TTC7A: variants seen among roughly 807,000 people sequenced by gnomAD.
TTC7A encodes tetratricopeptide repeat domain 7A.
In TTC7A, 110 loss-of-function variants were observed where a neutral mutation model predicts 103.7. The observed-to-expected ratio is 1.06, with a 90% CI of 0.91 to 1.24. The LOEUF (loss-of-function observed/expected upper bound fraction) is 1.24, where lower values mean the gene tolerates loss of function less well. TTC7A is among the 50% of genes most tolerant of loss of function. TTC7A has a pLI of 0.00. For synonymous variants in TTC7A, 521 were observed against 467.9 expected, an observed-to-expected ratio of 1.11 and a Z score of -1.47; for missense variants, 1,340 against 1,116.3, an observed-to-expected ratio of 1.20 and a Z score of -2.86.
At chr2:46,972,197 T>TAA (rs758796527) in intron 3 of TTC7A, among the ~76,000 whole-genome samples, 9 of 147,678 alleles carry the variant, frequency 6.1e-5, no homozygotes, top group Admixed American at 3.4e-4. Context: ...TTTCCTGTCT[T>TAA]AAAAAAAAAA....
chr2:47,009,917 AC>A (rs1677857144), intron 10 of TTC7A, among the ~76,000 whole-genome samples: 1 of 54,786 alleles, frequency 1.8e-5, no homozygotes, highest in Non-Finnish European at 3.8e-5. Context: ...GGTGGGGGGG[AC>A]AGGGGAGGGG....
At chr2:46,933,591 CATAAG>C (rs1308005660) in intron 2 of TTC7A, among the ~76,000 whole-genome samples, 1 of 152,112 alleles carries the variant, frequency 6.6e-6, no homozygotes, top group Admixed American at 6.5e-5. Flanking sequence ...TTAAGTAAGA[CATAAG>C]ATACCATGGG....
At chr2:46,922,307 T>A (rs924500110) in intron 2 of TTC7A, among the ~76,000 whole-genome samples, 5 of 152,232 alleles carry the variant, frequency 3.3e-5, no homozygotes, top group African/African-American at 9.6e-5. Context: ...AGCGTTTTTA[T>A]AATTTTTGAT....
At chr2:47,000,336 G>A (rs1433309411) in intron 8 of TTC7A, among the ~76,000 whole-genome samples, 1 of 152,146 alleles carries the variant, frequency 6.6e-6, no homozygotes, top group Admixed American at 6.5e-5. Context: ...CAGCTTTTGG[G>A]ATCTGGTTTG....
chr2:47,036,145 C>T (rs931446031), intron 15 of TTC7A, among the ~76,000 whole-genome samples: 10 of 152,174 alleles, frequency 6.6e-5, no homozygotes, highest in African/African-American at 1.4e-4. Flanking sequence ...AGCCGAGACC[C>T]GGAGGCCAGT....
intron 3 of TTC7A, among the ~76,000 whole-genome samples, chr2:46,968,478 C>T (rs1232508352): frequency 6.6e-6 from 1 of 152,168 alleles, no homozygotes; most frequent in Non-Finnish European, 1.5e-5. Flanking sequence ...GGGTGGGCTT[C>T]CAGTCAGATG....
chr2:47,024,232 C>G (rs1679622134), intron 13 of TTC7A, 55 bp from the exon 14 acceptor site: 2 of 1,495,440 alleles, frequency 1.3e-6, no homozygotes, highest in Admixed American at 3.8e-5. Context: ...GCCCGAGTCA[C>G]ACGTTGGTCA....
rs13412442 is a variant in TTC7A at position 46,987,197 on chromosome 2, G to A, written c.765-6253G>A. On this transcript the variant is annotated intron_variant, in intron 5 of 19. Coordinates refer to ENST00000319190, the MANE Select transcript of TTC7A (RefSeq NM_020458.4). ...TCACCGCCACTAGAGGGCAGCCGTG[G>A]ACTCTGGTTGGAGCCTCGCCCCAGG... 4.2e-3 allele frequency among the ~76,000 whole-genome samples: 640 copies of A among 152,338 alleles called. 7 individuals carry two copies. Among genetic ancestry groups the A allele is most frequent in the African/African-American group, 0.015 (616 of 41,586 alleles).
chr2:47,025,666 C>G (rs531844005), intron 14 of TTC7A, among the ~76,000 whole-genome samples: 1 of 152,200 alleles, frequency 6.6e-6, no homozygotes, highest in Non-Finnish European at 1.5e-5. Flanking sequence ...GTTCTTCTGT[C>G]TCAACCATTT....
chr2:46,998,707 C>T (rs1676480012), intron 8 of TTC7A, among the ~76,000 whole-genome samples: 2 of 152,214 alleles, frequency 1.3e-5, no homozygotes, highest in South Asian at 4.1e-4. Context: ...GCTTCCACCT[C>T]CAGGACATCC....
chr2:47,048,079 C>A (rs867766161), intron 16 of TTC7A, among the ~76,000 whole-genome samples: 1 of 152,188 alleles, frequency 6.6e-6, no homozygotes, highest in Non-Finnish European at 1.5e-5. Flanking sequence ...TTCCTCTGCT[C>A]TGCCTGGGCC....
At chr2:46,942,932 G>C (rs1462012644) in intron 1 of TTC7A, among the ~76,000 whole-genome samples, 2 of 152,034 alleles carry the variant, frequency 1.3e-5, no homozygotes, top group African/African-American at 2.4e-5. Context: ...TTGAGACAGG[G>C]TCTCTCTCTG....
intron 3 of TTC7A, among the ~76,000 whole-genome samples, chr2:46,973,914 AAAC>A (rs1414310296): frequency 1.3e-5 from 2 of 152,142 alleles, no homozygotes; most frequent in Admixed American, 1.3e-4. Flanking sequence ...GGTTTCCCCA[AAAC>A]AAGAACGTTT....
intron 11 of TTC7A, among the ~76,000 whole-genome samples, chr2:47,016,836 T>A (rs1349142331): frequency 1.3e-5 from 2 of 152,068 alleles, no homozygotes; most frequent in African/African-American, 2.4e-5. Context: ...TCTGCAGCCA[T>A]CTGATTAGAG....
intron 8 of TTC7A, among the ~76,000 whole-genome samples, chr2:47,002,998 G>A (rs768296016): frequency 4.4e-4 from 67 of 152,116 alleles, no homozygotes; most frequent in Non-Finnish European, 8.7e-4. Context: ...TGCTGCTGCC[G>A]CTGCTGCTAG....
chr2:47,023,618 C>T lies in TTC7A; in HGVS notation c.1568+153C>T, dbSNP rs531019433. On this transcript the variant is annotated intron_variant, in intron 13 of 19. Coordinates refer to ENST00000319190, the MANE Select transcript of TTC7A (RefSeq NM_020458.4). ...ACTGCACACAGCAAGCAGGGATAGG[C>T]GTTGGGGATTGGGCAGGCAGCCGAG... Among the ~76,000 whole-genome samples, 6 of 152,204 alleles carry T rather than the reference C, an allele frequency of 3.9e-5. No homozygotes were observed. The South Asian group carries it at 8.3e-4, about 21-fold the overall frequency.
chr2:47,034,210 C>T (rs952742605), intron 15 of TTC7A: 7 of 152,266 alleles, frequency 4.6e-5, no homozygotes, highest in African/African-American at 1.7e-4. Context: ...ATCCTGTGGG[C>T]TTCTGACTAA....
At chr2:46,984,425 C>G (rs906270719) in intron 5 of TTC7A, among the ~76,000 whole-genome samples, 3 of 152,216 alleles carry the variant, frequency 2.0e-5, no homozygotes, top group African/African-American at 7.2e-5. Context: ...TGGCTTTCTC[C>G]CCTCTAAGAT....
intron 9 of TTC7A, 25 bp downstream of exon 9, chr2:47,006,084 C>T: frequency 6.2e-7 from 1 of 1,608,230 alleles, no homozygotes; most frequent in Non-Finnish European, 8.5e-7. Flanking sequence ...GCAGCCCACC[C>T]CACTCTCCGG....
Sources: gnomAD v4.1 joint callset for allele counts (sites outside exome capture counted in the v4.1 genomes callset) on GRCh38, gnomAD v4.1.1 for gene constraint, MANE v1.5 for transcripts, NCBI Gene and HGNC (gene_info 2026-07-23, HGNC 2026-07-21) for gene names.